TANC2: variants seen among roughly 807,000 people sequenced by gnomAD.
TANC2 encodes the protein protein TANC2.
A neutral mutation model predicts 210.5 loss-of-function variants in TANC2; 26 were observed. The ratio of observed to expected loss-of-function variants is 0.12; its 90% CI spans 0.09 to 0.17. TANC2 has a LOEUF of 0.17. TANC2 is among the 10% of genes least tolerant of loss of function. The pLI is 1.00. For synonymous variants in TANC2, 931 were observed against 967.1 expected (o/e 0.96, Z 0.69); for missense variants, 2,129 against 2,608.9 (o/e 0.82, Z 4.01).
chr17:63,365,904 A>G (rs577000554), intron 14 of TANC2, among the ~76,000 whole-genome samples: 2 of 152,014 alleles, frequency 1.3e-5, no homozygotes, highest in African/African-American at 2.4e-5. Context: ...TCTAACACTT[A>G]TCACAATTTA....
intron 1 of TANC2, among the ~76,000 whole-genome samples, chr17:62,992,768 A>G (rs1018846569): frequency 3.9e-5 from 6 of 152,226 alleles, no homozygotes; most frequent in African/African-American, 1.2e-4. Flanking sequence ...ACTATGTTAT[A>G]CATGTTGGCT....
exon 6 of TANC2, chr17:63,193,991 G>A (rs1205926778): frequency 5.6e-6 from 9 of 1,611,562 alleles, no homozygotes; most frequent in Non-Finnish European, 7.6e-6. Flanking sequence ...CTTGTTACAG[G>A]TGATGCTGAA....
At chr17:63,248,147 T>G (rs1166181944) in intron 8 of TANC2, among the ~76,000 whole-genome samples, 4 of 152,198 alleles carry the variant, frequency 2.6e-5, no homozygotes, top group Non-Finnish European at 1.5e-5. Flanking sequence ...AATTAAATTT[T>G]CTCGTCTCAG....
intron 6 of TANC2, among the ~76,000 whole-genome samples, chr17:63,194,846 G>C (rs77617007): frequency 6.6e-6 from 1 of 151,632 alleles, no homozygotes; most frequent in African/African-American, 2.4e-5. Flanking sequence ...ATATTTTATA[G>C]TTTTCTTTCT....
intron 5 of TANC2, among the ~76,000 whole-genome samples, chr17:63,156,655 G>A (rs2039849529): frequency 6.6e-6 from 1 of 152,050 alleles, no homozygotes; most frequent in Admixed American, 6.6e-5. Context: ...ATAAGAACTA[G>A]AATATGAATA....
In TANC2 at chr17:63,420,795, C is replaced by T. The variant is rs1355267300; in HGVS notation, c.5065C>T (p.Leu1689=). 1.2e-6 allele frequency: 2 copies of T among 1,613,922 alleles called. No homozygotes were observed. Among genetic ancestry groups the T allele is most frequent in the African/African-American group, 2.7e-5 (2 of 74,932 alleles). ...GGCAGTTCCCCAGCAAGGGCTCAGG[C>T]TACAGCCTGCCAAGGCCCAGATTGT... The change falls in exon 28 of 28, where the codon CTA becomes TTA. Residue 1689 remains leucine, a synonymous_variant. Coordinates refer to ENST00000689528, the Ensembl canonical transcript of TANC2. The surrounding 1 kb of genome is among the most constrained non-coding windows in gnomAD (Gnocchi z 4.2).
chr17:63,103,676 C>T (rs1019230047), intron 4 of TANC2, among the ~76,000 whole-genome samples: 21 of 152,134 alleles, frequency 1.4e-4, no homozygotes, highest in Admixed American at 5.2e-4. Flanking sequence ...AAGTGTTAGC[C>T]GTTATTGTTA....
At chr17:63,232,278 C>A (rs2042498195) in intron 7 of TANC2, among the ~76,000 whole-genome samples, 1 of 152,162 alleles carries the variant, frequency 6.6e-6, no homozygotes, top group Non-Finnish European at 1.5e-5. Context: ...TCAGCCTCTG[C>A]CCAATTCTGT....
chr17:63,108,644 A>G (rs2145001450), intron 4 of TANC2, among the ~76,000 whole-genome samples: 1 of 151,632 alleles, frequency 6.6e-6, no homozygotes, highest in South Asian at 2.1e-4. Context: ...CTCCATCTCT[A>G]CTAAAAATAC....
chr17:63,104,523 T>C (rs1472555738), intron 4 of TANC2, among the ~76,000 whole-genome samples: 1 of 152,232 alleles, frequency 6.6e-6, no homozygotes, highest in Non-Finnish European at 1.5e-5. Flanking sequence ...ATCTTATTAC[T>C]AGGAGTTTGT....
At chr17:63,174,368 G>T (rs995617815) in intron 5 of TANC2, among the ~76,000 whole-genome samples, 1 of 152,066 alleles carries the variant, frequency 6.6e-6, no homozygotes, top group Non-Finnish European at 1.5e-5. Flanking sequence ...CTGTTTCCTG[G>T]AATTAAGTTG....
intron 9 of TANC2, among the ~76,000 whole-genome samples, chr17:63,295,816 A>G (rs868029274): frequency 6.6e-6 from 1 of 152,322 alleles, no homozygotes; most frequent in South Asian, 2.1e-4. Context: ...TTACATCCCT[A>G]TAAGACTAAT....
intron 11 of TANC2, among the ~76,000 whole-genome samples, chr17:63,327,799 G>C (rs1196715464): frequency 6.6e-6 from 1 of 151,996 alleles, no homozygotes; most frequent in Non-Finnish European, 1.5e-5. Flanking sequence ...TATACTTTAA[G>C]TTTTAGGGTA....
At chr17:63,122,544 C>A (rs569452251) in intron 4 of TANC2, among the ~76,000 whole-genome samples, 1 of 152,180 alleles carries the variant, frequency 6.6e-6, no homozygotes, top group Non-Finnish European at 1.5e-5. Flanking sequence ...TGAGACCAGC[C>A]TGGTCAACAT....
chr17:63,183,890 AC>A (rs1403350636), intron 5 of TANC2, among the ~76,000 whole-genome samples: 4 of 152,034 alleles, frequency 2.6e-5, no homozygotes, highest in Non-Finnish European at 5.9e-5. Flanking sequence ...GGTGGCGGGC[AC>A]CTGTAGTCCC....
At chr17:63,235,058 G>A (rs941542296) in intron 7 of TANC2, among the ~76,000 whole-genome samples, 1 of 151,804 alleles carries the variant, frequency 6.6e-6, no homozygotes, top group Non-Finnish European at 1.5e-5. Context: ...CTTTTTCTGA[G>A]GTGATTTTTT....
intron 2 of TANC2, among the ~76,000 whole-genome samples, chr17:63,035,183 C>T (rs1356365091): frequency 6.6e-6 from 1 of 152,156 alleles, no homozygotes; most frequent in South Asian, 2.1e-4. Context: ...TAGAGAAAGA[C>T]CCTCCACCAG....
intron 4 of TANC2, among the ~76,000 whole-genome samples, chr17:63,125,585 A>G (rs1455346601): frequency 6.6e-6 from 1 of 152,168 alleles, no homozygotes; most frequent in African/African-American, 2.4e-5. Context: ...TCCTCTCCTG[A>G]TAACAGTAAT....
intron 2 of TANC2, among the ~76,000 whole-genome samples, chr17:63,042,637 G>T (rs1445056238): frequency 6.6e-6 from 1 of 151,988 alleles, no homozygotes; most frequent in Non-Finnish European, 1.5e-5. Context: ...AAAACAAAAG[G>T]CTTTACATTC....
Sources: gnomAD v4.1 joint callset for allele counts (sites outside exome capture counted in the v4.1 genomes callset) on GRCh38, gnomAD v4.1.1 for gene constraint, Gnocchi (gnomAD v3.1) non-coding constraint, MANE v1.5 for transcripts, NCBI Gene and HGNC (gene_info 2026-07-23, HGNC 2026-07-21) for gene names.